The following PDGFRA variants were observed in gnomAD, a reference collection of about 807,000 sequenced individuals.
PDGFRA encodes platelet-derived growth factor receptor alpha.
A neutral mutation model predicts 121.5 loss-of-function variants in PDGFRA; 25 were observed. The observed-to-expected ratio is 0.21, with a 90% CI of 0.15 to 0.29. The LOEUF is 0.29. PDGFRA is among the 10% of genes least tolerant of loss of function. PDGFRA has a pLI of 1.00. For synonymous variants in PDGFRA, 463 were observed against 494.8 expected, an observed-to-expected ratio of 0.94 and a Z score of 0.85; for missense variants, 1,008 against 1,345.1, an observed-to-expected ratio of 0.75 and a Z score of 3.92.
Position 54,292,610 on chromosome 4 carries a change from C to G in PDGFRA, c.3122+2056C>G, listed in dbSNP as rs201060464. Reference sequence around the variant, plus strand: ...TGGGATGATCTGTGCGGCAAACCACCATGACGCATGTTTACCCATGTAACA... The same window carrying G: ...TGGGATGATCTGTGCGGCAAACCACGATGACGCATGTTTACCCATGTAACA... On this transcript the variant is annotated intron_variant, in intron 22 of 22. Coordinates refer to ENST00000257290, the MANE Select transcript of PDGFRA (RefSeq NM_006206.6). 3.2e-4 allele frequency among the ~76,000 whole-genome samples: 48 copies of G among 152,180 alleles called. No homozygotes were observed. The East Asian group carries it at 6.6e-3, about 21-fold the overall frequency.
intron 8 of PDGFRA, among the ~76,000 whole-genome samples, chr4:54,271,558 C>T (rs1391221910): frequency 1.3e-5 from 2 of 150,950 alleles, no homozygotes; most frequent in South Asian, 2.1e-4. Flanking sequence ...CCCTCCCTCC[C>T]TTCCTTCCTT....
chr4:54,274,571 G>A lies in PDGFRA; in HGVS notation c.1599G>A (p.Val533=), dbSNP rs146832047. Residue 533 remains valine, a synonymous_variant, in exon 11 of 23, where the codon GTG becomes GTA. Transcript: ENST00000257290. ...TCACGGTGGCTGCTGCAGTCCTGGT[G>A]CTGTTGGTGATTGTGATCATCTCAC... The part of the protein sequence containing the change: ...SELTVAAAVL[V]LLVIVIISLI... 5 of 1,614,040 alleles carry A rather than the reference G, an allele frequency of 3.1e-6. No homozygotes were observed. Among genetic ancestry groups the A allele is most frequent in the Non-Finnish European group, 4.2e-6 (5 of 1,179,956 alleles).
chr4:54,281,987 T>C (rs1222044130), intron 16 of PDGFRA: 1 of 1,076,316 alleles, frequency 9.3e-7, no homozygotes, highest in Non-Finnish European at 1.1e-6. Flanking sequence ...TACTTTTTCA[T>C]GTAGCTTGTA....
At position 54,251,355 on chromosome 4, in the gene PDGFRA, T is replaced by C. The variant is rs144629383; in HGVS notation, c.-12-7402T>C. 3.5e-3 allele frequency among the ~76,000 whole-genome samples: 532 copies of C among 152,324 alleles called. 2 individuals are homozygous for C. Among genetic ancestry groups the C allele is most frequent in the African/African-American group, 0.012 (495 of 41,580 alleles). The stretch of plus-strand genomic sequence containing the variant: ...TACTGCTTTTAACAATTGAAAAAAG[T>C]ATACTACTATGGACAAAATTTGGAG... On this transcript the variant is annotated intron_variant, in intron 1 of 22. Coordinates refer to ENST00000257290, the MANE Select transcript of PDGFRA (RefSeq NM_006206.6).
At chr4:54,282,315 C>G (rs1724121373) in intron 16 of PDGFRA, among the ~76,000 whole-genome samples, 1 of 152,028 alleles carries the variant, frequency 6.6e-6, no homozygotes, top group South Asian at 2.1e-4. Flanking sequence ...TAGATCTGCT[C>G]AGTTTTTGGA....
At chr4:54,229,870 C>G (rs975942097) in intron 1 of PDGFRA, 1 of 151,662 alleles carries the variant, frequency 6.6e-6, no homozygotes, top group Non-Finnish European at 1.5e-5. Context: ...TGTTTTCATT[C>G]CTCGCCTGCG....
At chr4:54,276,740 G>A (rs1723748628) in intron 12 of PDGFRA, 1 of 153,256 alleles carries the variant, frequency 6.5e-6, no homozygotes. Context: ...GCTATCCGTG[G>A]TGAGACTGAC....
At chr4:54,262,886 G>A (rs1051866859) in intron 3 of PDGFRA, among the ~76,000 whole-genome samples, 1 of 152,174 alleles carries the variant, frequency 6.6e-6, no homozygotes, top group Admixed American at 6.5e-5. Context: ...AATTCTTCTT[G>A]TTCCAGCACA....
intron 1 of PDGFRA, among the ~76,000 whole-genome samples, chr4:54,249,102 C>G (rs1721886990): frequency 6.6e-6 from 1 of 152,122 alleles, no homozygotes; most frequent in African/African-American, 2.4e-5. Context: ...GAAATAGGAA[C>G]ACTTTTACAC....
intron 14 of PDGFRA, 111 bp from the exon 15 acceptor site, chr4:54,278,251 A>C: frequency 1.7e-6 from 1 of 588,184 alleles, no homozygotes; most frequent in African/African-American, 3.0e-5. Flanking sequence ...AAAAAAAAAA[A>C]AACTTTTTTG....
At chr4:54,286,807 T>G (rs909439759) in intron 18 of PDGFRA, among the ~76,000 whole-genome samples, 2 of 152,228 alleles carry the variant, frequency 1.3e-5, no homozygotes, top group Non-Finnish European at 2.9e-5. Flanking sequence ...TTATGTATCT[T>G]GGAGGCACAG....
In PDGFRA at chr4:54,290,355, C is replaced by A; in HGVS notation, c.2923C>A (p.Pro975Thr). The A allele has an allele frequency of 6.2e-7, 1 of 1,611,846 alleles. No individual in the cohort carries two copies. Among genetic ancestry groups the A allele is most frequent in the South Asian group, 1.1e-5 (1 of 91,034 alleles). Residue 975 changes from proline to threonine, a missense_variant, in exon 22 of 23, where the codon CCT becomes ACT. Pro to Thr is a conservative substitution (Grantham distance 38). Coordinates refer to ENST00000257290, the MANE Select transcript of PDGFRA (RefSeq NM_006206.6). ...IHLDFLKSDH[P>T]AVARMRVDSD... ...CCTGGACTTCCTGAAGAGTGACCAT[C>A]CTGCTGTGGCACGCATGCGTGTGGA... is the stretch of plus-strand genomic sequence containing the variant.
chr4:54,234,852 T>C (rs1720925338), intron 1 of PDGFRA, among the ~76,000 whole-genome samples: 1 of 152,170 alleles, frequency 6.6e-6, no homozygotes, highest in Admixed American at 6.5e-5. Context: ...CAAAAGGATA[T>C]GTCATTTTAT....
chr4:54,247,144 G>A (rs1487106072), intron 1 of PDGFRA, among the ~76,000 whole-genome samples: 2 of 152,150 alleles, frequency 1.3e-5, no homozygotes, highest in Non-Finnish European at 2.9e-5. Context: ...AGAGGTACAA[G>A]GAGGAACTGG....
intron 21 of PDGFRA, among the ~76,000 whole-genome samples, chr4:54,289,548 A>G (rs1478697126): frequency 6.6e-6 from 1 of 152,232 alleles, no homozygotes; most frequent in African/African-American, 2.4e-5. Flanking sequence ...TCAAAGGAAC[A>G]AATGTAATTT....
At chr4:54,246,146 TAGAC>T (rs1721646352) in intron 1 of PDGFRA, among the ~76,000 whole-genome samples, 1 of 152,240 alleles carries the variant, frequency 6.6e-6, no homozygotes, top group South Asian at 2.1e-4. Context: ...CTGTCAATAT[TAGAC>T]AGATCAACGA....
intron 22 of PDGFRA, among the ~76,000 whole-genome samples, chr4:54,291,528 T>G (rs373050064): frequency 6.9e-6 from 1 of 145,734 alleles, no homozygotes; most frequent in Non-Finnish European, 1.5e-5. Context: ...TATGAAAAAA[T>G]GCTCAACATC....
chr4:54,244,714 C>T (rs562961927), intron 1 of PDGFRA, among the ~76,000 whole-genome samples: 254 of 152,314 alleles, frequency 1.7e-3, no homozygotes, highest in African/African-American at 7.9e-4. Context: ...CAAAGCTGGA[C>T]GGAGAATGAC....
intron 18 of PDGFRA, among the ~76,000 whole-genome samples, chr4:54,287,032 A>G (rs1577743926): frequency 6.6e-6 from 1 of 152,236 alleles, no homozygotes; most frequent in East Asian, 1.9e-4. Flanking sequence ...TGTGTGATTC[A>G]TGTACTCATG....
Sources: gnomAD v4.1 joint callset for allele counts (sites outside exome capture counted in the v4.1 genomes callset) on GRCh38, gnomAD v4.1.1 for gene constraint, MANE v1.5 for transcripts, NCBI Gene and HGNC (gene_info 2026-07-23, HGNC 2026-07-21) for gene names.